The following SLC4A7 variants were observed in gnomAD, a reference collection of about 807,000 sequenced individuals.
SLC4A7 encodes the protein sodium bicarbonate cotransporter 3.
SLC4A7 carries 51 observed loss-of-function variants against 137.6 expected under a neutral mutation model. The observed-to-expected ratio is 0.37, with a 90% CI of 0.30 to 0.47. The LOEUF is 0.47. Among genes scored for constraint, SLC4A7 ranks in the 20% least tolerant of loss-of-function variants. The pLI is 1.00. For synonymous variants in SLC4A7, 542 were observed against 518.6 expected, an observed-to-expected ratio of 1.05 and a Z score of -0.61; for missense variants, 1,247 against 1,525.4, an observed-to-expected ratio of 0.82 and a Z score of 3.04.
chr3:27,443,177 C>G (rs929066697), intron 3 of SLC4A7, among the ~76,000 whole-genome samples: 1 of 151,632 alleles, frequency 6.6e-6, no homozygotes, highest in Non-Finnish European at 1.5e-5. Flanking sequence ...ACTACAGGAA[C>G]GTGCCAAAAC....
intron 1 of SLC4A7, among the ~76,000 whole-genome samples, chr3:27,463,521 CAA>C (rs2058809045): frequency 1.3e-5 from 2 of 151,638 alleles, no homozygotes; most frequent in African/African-American, 4.9e-5. Context: ...GCCTGGGCAA[CAA>C]GAGCGAAACT....
At chr3:27,483,194 C>T (rs2059787356) in intron 1 of SLC4A7, among the ~76,000 whole-genome samples, 1 of 152,220 alleles carries the variant, frequency 6.6e-6, no homozygotes, top group South Asian at 2.1e-4. Context: ...TGCGGGGACG[C>T]ATGTGCTCTA....
intron 10 of SLC4A7, among the ~76,000 whole-genome samples, chr3:27,419,914 C>A (rs746084207): frequency 6.6e-6 from 1 of 151,686 alleles, no homozygotes; most frequent in Non-Finnish European, 1.5e-5. Flanking sequence ...ATGTGACAGG[C>A]GCGGTGGCTC....
At chr3:27,401,108 T>C in intron 15 of SLC4A7, 1 of 323,726 alleles carries the variant, frequency 3.1e-6, no homozygotes, top group Admixed American at 4.8e-5. Context: ...AGTTATGTCC[T>C]TGGTGAGGGC....
chr3:27,400,717 C>A, intron 16 of SLC4A7, 47 bp downstream of exon 16: 1 of 1,091,512 alleles, frequency 9.2e-7, no homozygotes. Context: ...GCTAAAAGAA[C>A]CAGATCAATA....
At chr3:27,411,801 G>T in intron 11 of SLC4A7, 53 bp from the exon 12 acceptor site, 1 of 883,374 alleles carries the variant, frequency 1.1e-6, no homozygotes, top group Non-Finnish European at 1.6e-6. Context: ...GAAAACTTGA[G>T]ATGGCATCTT....
At chr3:27,483,822 GC>G (rs1188856992) in intron 1 of SLC4A7, among the ~76,000 whole-genome samples, 1 of 151,482 alleles carries the variant, frequency 6.6e-6, no homozygotes, top group African/African-American at 2.4e-5. Context: ...CGCAGAGGAT[GC>G]CCGCGGCGCG....
At chr3:27,448,216 C>CAAAA (rs34846975) in intron 3 of SLC4A7, among the ~76,000 whole-genome samples, 12 of 104,344 alleles carry the variant, frequency 1.2e-4, no homozygotes, top group South Asian at 3.4e-4. Flanking sequence ...GACTCCATCT[C>CAAAA]AAAAAAAAAA....
At chr3:27,435,669 G>C (rs77619481) in intron 5 of SLC4A7, among the ~76,000 whole-genome samples, 2 of 152,066 alleles carry the variant, frequency 1.3e-5, no homozygotes, top group Non-Finnish European at 2.9e-5. Flanking sequence ...GCGAAAACCC[G>C]TCTCTACAAA....
chr3:27,458,646 A>T (rs937870308), intron 1 of SLC4A7, among the ~76,000 whole-genome samples: 7 of 152,234 alleles, frequency 4.6e-5, no homozygotes, highest in African/African-American at 1.7e-4. Flanking sequence ...TGATTTTTTT[A>T]AATTCTCAAT....
intron 8 of SLC4A7, chr3:27,422,872 A>G (rs940546991): frequency 1.3e-5 from 6 of 448,202 alleles, no homozygotes; most frequent in Admixed American, 2.4e-5. Context: ...AGTATACACA[A>G]AGATAGGCCA....
At chr3:27,392,251 G>A (rs1047127654) in intron 20 of SLC4A7, among the ~76,000 whole-genome samples, 2 of 152,166 alleles carry the variant, frequency 1.3e-5, no homozygotes, top group African/African-American at 2.4e-5. Context: ...AATATAGTAA[G>A]TAAAATCCAC....
Position 27,376,626 on chromosome 3 carries a change from C to G in SLC4A7, c.*138G>C. 2 of 502,218 alleles carry G rather than the reference C, an allele frequency of 4.0e-6. No homozygotes were observed. The highest frequency in any genetic ancestry group is 7.2e-6 in the Non-Finnish European group (2 of 278,378). 31.1% of individuals were successfully genotyped at this position (502,218 alleles called of 1,614,324 possible). On this transcript the variant is annotated 3_prime_UTR_variant, in exon 26 of 26. Coordinates refer to ENST00000454389, the MANE Select transcript of SLC4A7 (RefSeq NM_001321103.2). ...TACATAGTCTCCACGGTGCTCATTACAAACTCCAGACACTACTTTTAAAAA... is the reference window on the plus strand; with the variant it reads ...TACATAGTCTCCACGGTGCTCATTAGAAACTCCAGACACTACTTTTAAAAA...
chr3:27,447,403 C>T (rs2057738310), intron 3 of SLC4A7, among the ~76,000 whole-genome samples: 2 of 152,094 alleles, frequency 1.3e-5, no homozygotes, highest in African/African-American at 2.4e-5. Context: ...ATTTTCCTTC[C>T]TATGTTCATG....
intron 5 of SLC4A7, among the ~76,000 whole-genome samples, chr3:27,436,109 C>T (rs115534080): frequency 2.1e-3 from 313 of 152,160 alleles, no homozygotes; most frequent in Non-Finnish European, 3.4e-3. Flanking sequence ...GTGGCTATTC[C>T]CCACATCCCC....
chr3:27,443,249 C>T (rs2057356965), intron 3 of SLC4A7, among the ~76,000 whole-genome samples: 2 of 151,790 alleles, frequency 1.3e-5, no homozygotes, highest in African/African-American at 2.4e-5. Flanking sequence ...AGGCTGGTGT[C>T]GAACTCCTGA....
At chr3:27,446,535 A>G (rs2057651081) in intron 3 of SLC4A7, among the ~76,000 whole-genome samples, 1 of 152,188 alleles carries the variant, frequency 6.6e-6, no homozygotes, top group Non-Finnish European at 1.5e-5. Flanking sequence ...CCACATACTT[A>G]GGTGAACATA....
chr3:27,411,694 T>C lies in SLC4A7; in HGVS notation c.1714A>G (p.Thr572Ala), dbSNP rs140822700. 907 of 1,560,938 alleles carry C rather than the reference T, an allele frequency of 5.8e-4. 4 individuals carry two copies. The African/African-American group carries it at 0.011, about 19-fold the overall frequency. Residue 572 changes from threonine (T) to alanine (A), a missense_variant, in exon 12 of 26, where the codon ACT (threonine) becomes GCT (alanine). Thr to Ala is a moderately conservative substitution (Grantham distance 58). Around this residue, in one of 6 missense-constraint regions of SLC4A7, gnomAD observed 499 missense variants for 664.2 expected, o/e 0.75. Coordinates refer to ENST00000454389, the MANE Select transcript of SLC4A7 (RefSeq NM_001321103.2). ...HNGSTPTLGETPKEAAHHAGP... is the reference protein window; with the variant it reads ...HNGSTPTLGEAPKEAAHHAGP... The stretch of plus-strand genomic sequence containing the variant: ...GCATGATGAGCGGCCTCTTTAGGAG[T>C]CTCACCCAGTGTGGGGGTAGATCCA...
chr3:27,380,526 A>C (rs1476083747), intron 24 of SLC4A7, among the ~76,000 whole-genome samples: 1 of 152,146 alleles, frequency 6.6e-6, no homozygotes, highest in African/African-American at 2.4e-5. Context: ...TCTTGGATTA[A>C]AAAAATACAT....
Sources: gnomAD v4.1 joint callset for allele counts (sites outside exome capture counted in the v4.1 genomes callset) on GRCh38, gnomAD v4.1.1 for gene constraint, gnomAD v4.1.1 regional missense constraint, MANE v1.5 for transcripts, NCBI Gene and HGNC (gene_info 2026-07-23, HGNC 2026-07-21) for gene names.